The following JRK variants were observed in gnomAD, a reference collection of about 807,000 sequenced individuals.
The protein encoded by JRK is jerky protein homolog.
For synonymous variants in JRK, 303 were observed against 218.1 expected (o/e 1.39, Z -3.43); for missense variants, 720 against 509.2 (o/e 1.41, Z -3.98).
At chr8:142,643,805 A>C in the JRK span, among the ~76,000 whole-genome samples, 1 of 152,256 alleles carries the variant, frequency 6.6e-6, no homozygotes, top group Non-Finnish European at 1.5e-5. Flanking sequence ...TTATACATAA[A>C]AAGAGATTCT....
chr8:142,645,351 C>T, the JRK span, among the ~76,000 whole-genome samples: 1 of 152,058 alleles, frequency 6.6e-6, no homozygotes, highest in African/African-American at 2.4e-5. Context: ...AGTGTAACAA[C>T]TTGATTGCAT....
the JRK span, among the ~76,000 whole-genome samples, chr8:142,644,333 A>C: frequency 1.3e-5 from 2 of 152,122 alleles, no homozygotes; most frequent in Non-Finnish European, 2.9e-5. Context: ...ATGATAATTT[A>C]ACATAATAAT....
In JRK at chr8:142,665,809, G is replaced by A. The variant is rs587738963; in HGVS notation, c.250C>T (p.Pro84Ser). Residue 84 changes from proline to serine, a missense_variant, in exon 2 of 2, where the codon CCC becomes TCC. Transcript: ENST00000612905. ...ACGCGGTCCAGGTGCTCCAGCTTGG[G>A]CGTGTGCAGCGTGCGCCGCTGCTCC... ...ALEQRRTLHT[P>S]KLEHLDRVLY... The A allele has an allele frequency of 5.1e-6, 4 of 778,766 alleles. No homozygotes were observed. Among genetic ancestry groups the A allele is most frequent in the Non-Finnish European group, 7.2e-6 (3 of 417,660 alleles). The allele number at this position is 778,766 out of a possible 1,614,324, so 48.2% of individuals were successfully genotyped here.
intron 1 of JRK, among the ~76,000 whole-genome samples, chr8:142,669,469 C>T (rs1253440476): frequency 6.6e-6 from 1 of 152,154 alleles, no homozygotes; most frequent in East Asian, 1.9e-4. Context: ...CGTCCGTACC[C>T]CAGGGTCCCC....
rs1554635508 is a variant in JRK at position 142,665,096 on chromosome 8, A to G, written c.963T>C (p.Pro321=). ...GCTGCACCAATGAGGCCACGCTGGC[A>G]GGCAGGAAGATGGTGAAAACGTTAC... ...VSSNVFTIFL[P]ASVASLVQPM... is the part of the protein sequence containing the mutation. Residue 321 remains proline, a synonymous_variant, in exon 2 of 2, where the codon CCT becomes CCC. Transcript: ENST00000612905. 2.8e-6 allele frequency: 2 copies of G among 717,912 alleles called. No homozygotes were observed. Among genetic ancestry groups the G allele is most frequent in the East Asian group, 2.7e-5 (1 of 37,282 alleles). 44.5% of individuals were successfully genotyped at this position (717,912 alleles called of 1,614,324 possible).
In JRK at chr8:142,664,964, G is replaced by T; in HGVS notation, c.1095C>A (p.Ser365Arg). The T allele has an allele frequency of 1.3e-6, 1 of 749,644 alleles. No homozygotes were observed. Among genetic ancestry groups the T allele is most frequent in the Non-Finnish European group, 2.5e-6 (1 of 408,154 alleles). The allele number at this position is 749,644 out of a possible 1,614,324, so 46.4% of individuals were successfully genotyped here. The change falls in exon 2 of 2, where the codon AGC becomes AGA. Residue 365 changes from serine (S) to arginine (R), a missense_variant. Coordinates refer to ENST00000612905, the MANE Select transcript of JRK (RefSeq NM_003724.4). ...GGACTGCGTTCCAGGCACAGGCCAC[G>T]CTGAATATGGCATCGTTCATGTTGT... ...ARYNMNDAIF[S>R]VACAWNAVPS... is the part of the protein sequence containing the mutation.
chr8:142,656,673 C>G (rs587764164), downstream of JRK, among the ~76,000 whole-genome samples: 1 of 152,372 alleles, frequency 6.6e-6, no homozygotes, highest in South Asian at 2.1e-4. Context: ...AACTTCACAT[C>G]CTTACAAATG....
chr8:142,653,807 C>G (rs1459759432), downstream of JRK, among the ~76,000 whole-genome samples: 1 of 152,162 alleles, frequency 6.6e-6, no homozygotes, highest in Non-Finnish European at 1.5e-5. Flanking sequence ...GCATCCCTAG[C>G]CAATCAGCAG....
chr8:142,659,729 C>A lies in JRK; in HGVS notation c.*4623G>T, dbSNP rs999025046. ...TTTCACCTCTGTTTACAGTTGAGTG[C>A]ACTGCTCAAGGTCATGCAGCTGGTG... On this transcript the variant is annotated 3_prime_UTR_variant, in exon 2 of 2. Transcript: ENST00000612905. 4 of 985,370 alleles carry A rather than the reference C, an allele frequency of 4.1e-6. No individual in the cohort carries two copies. The African/African-American group carries it at 5.2e-5, about 13-fold the overall frequency. 61.0% of individuals were successfully genotyped at this position (985,370 alleles called of 1,614,324 possible). A position where few individuals can be genotyped will look rare whatever the true frequency, so the allele number is the denominator to read the frequency against.
rs782227134 is a variant in JRK, at chr8:142,660,179, C to T, written c.*4173G>A. 1.1e-4 allele frequency: 109 copies of T among 985,602 alleles called. No homozygotes were observed. The Middle Eastern group carries it at 1.6e-3, about 14-fold the overall frequency. The allele number at this position is 985,602 out of a possible 1,614,324, so 61.1% of individuals were successfully genotyped here. On this transcript the variant is annotated 3_prime_UTR_variant, in exon 2 of 2. Transcript: ENST00000612905. ...CCTCCCAGTAGGCAGCTGAGTCCAA[C>T]GCAGTGCCCGAGAGCTCAGCCCTTG...
chr8:142,666,849 A>G (rs1489367378), intron 1 of JRK, among the ~76,000 whole-genome samples: 3 of 152,200 alleles, frequency 2.0e-5, no homozygotes, highest in Non-Finnish European at 4.4e-5. Flanking sequence ...CATCAGAGGA[A>G]GCCAGGAAGT....
At position 142,663,245 on chromosome 8, in the gene JRK, G is replaced by A; in HGVS notation, c.*1107C>T. The A allele has an allele frequency of 1.0e-6, 1 of 985,466 alleles. No individual in the cohort carries two copies. Among genetic ancestry groups the A allele is most frequent in the Non-Finnish European group, 1.2e-6 (1 of 829,942 alleles). The allele number at this position is 985,466 out of a possible 1,614,324, so 61.0% of individuals were successfully genotyped here. A position where few individuals can be genotyped will look rare whatever the true frequency, so the allele number is the denominator to read the frequency against. On this transcript the variant is annotated 3_prime_UTR_variant, in exon 2 of 2. Coordinates refer to ENST00000612905, the MANE Select transcript of JRK (RefSeq NM_003724.4). ...AGGGCGTTCTGGAATCTCAGCTGCA[G>A]GCAGTGAGTGTTGCCCGTGAAATGG...
In JRK at chr8:142,659,294, C is replaced by G; in HGVS notation, c.*5058G>C. ...GGGGTGGCTTAGGACCAGGGCAAGA[C>G]GCCTGACCCCAGAGCAGACCATGCT... On this transcript the variant is annotated 3_prime_UTR_variant, in exon 2 of 2. Coordinates refer to ENST00000612905, the MANE Select transcript of JRK (RefSeq NM_003724.4). 1 of 1,047,970 alleles carries G rather than the reference C, an allele frequency of 9.5e-7. No individual in the cohort carries two copies. The highest frequency in any genetic ancestry group is 1.2e-6 in the Non-Finnish European group (1 of 868,028). The allele number at this position is 1,047,970 out of a possible 1,614,324, so 64.9% of individuals were successfully genotyped here. A position where few individuals can be genotyped will look rare whatever the true frequency, so the allele number is the denominator to read the frequency against.
intron 1 of JRK, among the ~76,000 whole-genome samples, chr8:142,669,203 T>TGTGTGC (rs1554636841): frequency 2.2e-5 from 2 of 91,844 alleles, no homozygotes; most frequent in African/African-American, 9.9e-5. Context: ...TGTGTGTGCG[T>TGTGTGC]GTGTGTGTTG....
At chr8:142,650,946 T>C in the JRK span, among the ~76,000 whole-genome samples, 9 of 152,282 alleles carry the variant, frequency 5.9e-5, no homozygotes, top group East Asian at 5.8e-4. Context: ...AAAACAGAGG[T>C]TTCTCCCCCA....
intron 1 of JRK, among the ~76,000 whole-genome samples, chr8:142,667,847 CCT>C (rs1208462839): frequency 6.6e-6 from 1 of 152,162 alleles, no homozygotes; most frequent in Non-Finnish European, 1.5e-5. Flanking sequence ...ACAATTTCAC[CCT>C]CTCATAACAA....
At chr8:142,669,775 C>T (rs1436806062) in intron 1 of JRK, among the ~76,000 whole-genome samples, 157 bp downstream of exon 1, 11 of 148,556 alleles carry the variant, frequency 7.4e-5, no homozygotes, top group Non-Finnish European at 1.5e-4. Flanking sequence ...GGGTCCGGCC[C>T]CGCAGCCTCG....
chr8:142,652,936 C>T (rs2129657218), downstream of JRK, among the ~76,000 whole-genome samples: 1 of 152,318 alleles, frequency 6.6e-6, no homozygotes, highest in African/African-American at 2.4e-5. Flanking sequence ...GTGAAGGCCC[C>T]AGTACTGGCC....
In JRK at chr8:142,663,161, A is replaced by G; in HGVS notation, c.*1191T>C. The G allele has an allele frequency of 2.0e-6, 2 of 985,332 alleles. No individual in the cohort carries two copies. Among genetic ancestry groups the G allele is most frequent in the Non-Finnish European group, 1.2e-6 (1 of 829,816 alleles). 61.0% of individuals were successfully genotyped at this position (985,332 alleles called of 1,614,324 possible). A position where few individuals can be genotyped will look rare whatever the true frequency, so the allele number is the denominator to read the frequency against. On this transcript the variant is annotated 3_prime_UTR_variant, in exon 2 of 2. Coordinates refer to ENST00000612905, the MANE Select transcript of JRK (RefSeq NM_003724.4). ...GAGTGAGACCCTGCCTCAAGAAAAG[A>G]AAAGGACAATGCACCTATTTTATGC...
Sources: gnomAD v4.1 joint callset for allele counts (sites outside exome capture counted in the v4.1 genomes callset) on GRCh38, gnomAD v4.1.1 for gene constraint, MANE v1.5 for transcripts, NCBI Gene and HGNC (gene_info 2026-07-23, HGNC 2026-07-21) for gene names.